Variants in SPATS2 observed in about 807,000 individuals in gnomAD.
The protein encoded by SPATS2 is spermatogenesis associated serine rich 2.
A neutral mutation model predicts 63.7 loss-of-function variants in SPATS2; 38 were observed. The ratio of observed to expected loss-of-function variants is 0.60; its 90% confidence interval spans 0.46 to 0.78. The LOEUF (loss-of-function observed/expected upper bound fraction) is 0.78, where lower values mean the gene tolerates loss of function less well. SPATS2 is among the 30% of genes least tolerant of loss of function. The probability of loss-of-function intolerance (pLI) is 0.00; values close to 1 mark genes in which losing one functional copy is unlikely to be tolerated. For missense variants in SPATS2, 588 were observed against 666.2 expected, an observed-to-expected ratio of 0.88 and a Z score of 1.29; for synonymous variants, 207 against 232.9, an observed-to-expected ratio of 0.89 and a Z score of 1.01.
intron 2 of SPATS2, among the ~76,000 whole-genome samples, chr12:49,422,083 A>T (rs1447298879): frequency 6.6e-6 from 1 of 152,160 alleles, no homozygotes; most frequent in Admixed American, 6.5e-5. Flanking sequence ...CTCTAATTTC[A>T]TGCTGTGTGA....
At chr12:49,498,143 A>ATATATATATATATAT (rs1307387821) in intron 8 of SPATS2, among the ~76,000 whole-genome samples, 2 of 95,108 alleles carry the variant, frequency 2.1e-5, no homozygotes, top group African/African-American at 6.0e-5. Flanking sequence ...AAAAAAAAAA[A>ATATATATATATATAT]AAATATATAT....
chr12:49,462,724 C>G (rs896420676), intron 3 of SPATS2: 1 of 482,916 alleles, frequency 2.1e-6, no homozygotes, highest in Non-Finnish European at 3.7e-6. Flanking sequence ...GGTAGATAAT[C>G]TTTCCCTGAA....
At chr12:49,523,108 A>G (rs991435206) in intron 12 of SPATS2, among the ~76,000 whole-genome samples, 2 of 152,146 alleles carry the variant, frequency 1.3e-5, no homozygotes, top group African/African-American at 4.8e-5. Context: ...TGGTATAAAG[A>G]GCATGGGGCC....
At chr12:49,502,030 G>A (rs573482294) in intron 9 of SPATS2, among the ~76,000 whole-genome samples, 5 of 152,292 alleles carry the variant, frequency 3.3e-5, no homozygotes, top group African/African-American at 9.6e-5. Flanking sequence ...AAGACAAGCA[G>A]CTAGGGTGAT....
At chr12:49,503,926 A>G (rs1043395362) in intron 9 of SPATS2, among the ~76,000 whole-genome samples, 3 of 152,194 alleles carry the variant, frequency 2.0e-5, no homozygotes, top group Non-Finnish European at 2.9e-5. Context: ...TGATTAGCTG[A>G]CGTAACAACC....
intron 3 of SPATS2, among the ~76,000 whole-genome samples, chr12:49,478,240 A>G (rs1592438877): frequency 6.6e-6 from 1 of 152,114 alleles, no homozygotes. Flanking sequence ...TGGCCTCCCA[A>G]AGTGCTGGGA....
chr12:49,501,611 TTTTTG>T (rs1388891934), intron 9 of SPATS2, among the ~76,000 whole-genome samples: 2 of 152,140 alleles, frequency 1.3e-5, no homozygotes, highest in South Asian at 2.1e-4. Flanking sequence ...GATATTTGTT[TTTTTG>T]TTTTGTTTTG....
At chr12:49,464,227 G>A (rs1282274066) in intron 3 of SPATS2, among the ~76,000 whole-genome samples, 1 of 125,576 alleles carries the variant, frequency 8.0e-6, no homozygotes, top group Non-Finnish European at 1.7e-5. Context: ...TTTCCGACTG[G>A]GTGTGGTAGC....
intron 4 of SPATS2, 53 bp downstream of exon 4, chr12:49,484,722 T>G: frequency 6.6e-7 from 1 of 1,518,608 alleles, no homozygotes; most frequent in Non-Finnish European, 9.1e-7. Flanking sequence ...AAAATTTAGG[T>G]ACTAATACGA....
chr12:49,415,517 C>G (rs1592374824), intron 2 of SPATS2, among the ~76,000 whole-genome samples: 1 of 152,126 alleles, frequency 6.6e-6, no homozygotes, highest in Non-Finnish European at 1.5e-5. Context: ...TTATACACAG[C>G]TAAAAGAAAC....
chr12:49,380,712 A>AT (rs569450915), intron 2 of SPATS2, among the ~76,000 whole-genome samples: 272 of 151,686 alleles, frequency 1.8e-3, no homozygotes, highest in African/African-American at 6.2e-3. Flanking sequence ...CCTCAAAAAA[A>AT]AAATATATAT....
chr12:49,479,373 C>T (rs1946169697), intron 3 of SPATS2, among the ~76,000 whole-genome samples: 1 of 152,250 alleles, frequency 6.6e-6, no homozygotes, highest in African/African-American at 2.4e-5. Context: ...GCTCAGCCAA[C>T]TTTGCTGAGA....
chr12:49,513,797 T>C (rs151314962), intron 9 of SPATS2, among the ~76,000 whole-genome samples: 281 of 152,270 alleles, frequency 1.8e-3, no homozygotes, highest in African/African-American at 6.0e-3. Context: ...AGTGGGGATA[T>C]TGCTTGGTAA....
At chr12:49,387,311 T>C (rs1457169365) in intron 2 of SPATS2, among the ~76,000 whole-genome samples, 1 of 151,112 alleles carries the variant, frequency 6.6e-6, no homozygotes, top group African/African-American at 2.4e-5. Context: ...GAGACGGAAC[T>C]AGAGATATGC....
chr12:49,497,969 A>G (rs1946491983), intron 8 of SPATS2, among the ~76,000 whole-genome samples: 1 of 151,924 alleles, frequency 6.6e-6, no homozygotes. Context: ...TCCACTAAAC[A>G]AATGAAACAT....
Position 49,526,343 on chromosome 12 carries a change from A to G in SPATS2, c.*88A>G, listed in dbSNP as rs1027112576. ...GAAACTTACAGTTAGATGTAATAAC[A>G]AAAAGAAGTTTATGCGTATCACTTT... is the stretch of plus-strand genomic sequence containing the variant. On this transcript the variant is annotated 3_prime_UTR_variant, in exon 14 of 14. Transcript: ENST00000552918. The G allele has an allele frequency of 7.6e-6, 11 of 1,441,418 alleles. 3 individuals carry two copies. The Admixed American group carries it at 2.7e-4, about 36-fold the overall frequency. 89.3% of individuals were successfully genotyped at this position (1,441,418 alleles called of 1,614,324 possible). A position where few individuals can be genotyped will look rare whatever the true frequency, so the allele number is the denominator to read the frequency against.
intron 2 of SPATS2, among the ~76,000 whole-genome samples, chr12:49,376,092 ATT>A (rs749954777): frequency 0.03 from 2,420 of 80,968 alleles, 44 homozygotes; most frequent in Middle Eastern, 0.083. Flanking sequence ...ACCTGGCCTG[ATT>A]TTTTTTTTTT....
chr12:49,387,713 A>T (rs537001433), intron 2 of SPATS2, among the ~76,000 whole-genome samples: 1 of 150,178 alleles, frequency 6.7e-6, no homozygotes, highest in East Asian at 1.9e-4. Context: ...TCTTTGATGG[A>T]CAGCATAAGC....
chr12:49,466,388 C>G (rs1945916490), intron 3 of SPATS2, among the ~76,000 whole-genome samples: 1 of 152,174 alleles, frequency 6.6e-6, no homozygotes, highest in Non-Finnish European at 1.5e-5. Flanking sequence ...ATCTTAAACT[C>G]CTGACCTCGT....
Sources: allele counts gnomAD v4.1 joint callset (sites outside exome capture counted in the v4.1 genomes callset), GRCh38; gene constraint gnomAD v4.1.1; transcripts MANE v1.5; gene names NCBI Gene and HGNC (gene_info 2026-07-23, HGNC 2026-07-21).